The following GALNT13 variants were observed in gnomAD, a reference collection of about 807,000 sequenced individuals.
GALNT13 encodes the protein UDP-GalNAc:polypeptide N-acetylgalactosaminyltransferase 13.
In GALNT13, 28 loss-of-function variants were observed where a neutral mutation model predicts 64.2. That is an observed-to-expected ratio of 0.44 (90% CI 0.32 to 0.60). GALNT13 has a LOEUF of 0.60. GALNT13 is among the 20% of genes least tolerant of loss of function. The pLI is 0.05. For missense variants in GALNT13, 577 were observed against 669.8 expected, an observed-to-expected ratio of 0.86 and a Z score of 1.53; for synonymous variants, 214 against 224.6, an observed-to-expected ratio of 0.95 and a Z score of 0.42.
chr2:153,825,744 G>A, the GALNT13 span, among the ~76,000 whole-genome samples: 1 of 151,574 alleles, frequency 6.6e-6, no homozygotes, highest in Non-Finnish European at 1.5e-5. Context: ...CCCTTTGCAG[G>A]AACAGCCTAA....
At chr2:154,110,828 A>G (rs72871812) in intron 3 of GALNT13, among the ~76,000 whole-genome samples, 8,614 of 152,184 alleles carry the variant, frequency 0.057, 368 homozygotes, top group Middle Eastern at 0.12. Flanking sequence ...ACTCATACAC[A>G]TCTCCTGAGG....
At chr2:153,698,120 G>C in the GALNT13 span, among the ~76,000 whole-genome samples, 9 of 152,074 alleles carry the variant, frequency 5.9e-5, no homozygotes, top group Non-Finnish European at 1.3e-4. Flanking sequence ...GGAAAAACCC[G>C]TTCCAGCCAC....
At chr2:154,241,233 G>C (rs899428075) in intron 4 of GALNT13, among the ~76,000 whole-genome samples, 18 of 152,140 alleles carry the variant, frequency 1.2e-4, no homozygotes, top group Admixed American at 9.2e-4. Context: ...GGGCGGTCTT[G>C]GGAAATCCAA....
At chr2:153,229,781 C>A in the GALNT13 span, among the ~76,000 whole-genome samples, 1 of 152,324 alleles carries the variant, frequency 6.6e-6, no homozygotes, top group African/African-American at 2.4e-5. Flanking sequence ...CTTTAAACCT[C>A]TCCTCTGTTT....
the GALNT13 span, among the ~76,000 whole-genome samples, chr2:153,182,288 C>A: frequency 6.6e-6 from 1 of 152,280 alleles, no homozygotes; most frequent in South Asian, 2.1e-4. Flanking sequence ...TTGTGATCCG[C>A]CTGCCTCAGC....
At chr2:153,797,936 G>A in the GALNT13 span, among the ~76,000 whole-genome samples, 1 of 152,098 alleles carries the variant, frequency 6.6e-6, no homozygotes, top group African/African-American at 2.4e-5. Flanking sequence ...TCTGACATAA[G>A]CCCTACCATC....
chr2:154,346,374 G>C (rs1452513618), intron 9 of GALNT13, among the ~76,000 whole-genome samples: 2 of 151,968 alleles, frequency 1.3e-5, no homozygotes, highest in African/African-American at 2.4e-5. Flanking sequence ...GTTATATCCT[G>C]ATACAGTTTG....
At chr2:153,258,705 T>C in the GALNT13 span, among the ~76,000 whole-genome samples, 1 of 152,244 alleles carries the variant, frequency 6.6e-6, no homozygotes, top group Non-Finnish European at 1.5e-5. Context: ...CTTTGTAATT[T>C]CTTCATTGAC....
chr2:154,185,580 A>T (rs1686205228), intron 4 of GALNT13, among the ~76,000 whole-genome samples: 1 of 151,720 alleles, frequency 6.6e-6, no homozygotes, highest in South Asian at 2.1e-4. Flanking sequence ...ATAATTTTAA[A>T]TTATCTGTCT....
chr2:153,422,279 C>G, the GALNT13 span, among the ~76,000 whole-genome samples: 1 of 151,726 alleles, frequency 6.6e-6, no homozygotes, highest in African/African-American at 2.4e-5. Flanking sequence ...TTTACACAGG[C>G]AGAAAAAGAA....
At chr2:153,281,893 T>A in the GALNT13 span, among the ~76,000 whole-genome samples, 1 of 151,906 alleles carries the variant, frequency 6.6e-6, no homozygotes, top group Admixed American at 6.5e-5. Flanking sequence ...TCATTTCATA[T>A]AATATCACAC....
chr2:153,763,685 A>T, the GALNT13 span, among the ~76,000 whole-genome samples: 1 of 152,198 alleles, frequency 6.6e-6, no homozygotes, highest in Non-Finnish European at 1.5e-5. Context: ...AGACTAATAC[A>T]GTAAATTGGT....
At chr2:153,325,413 G>T in the GALNT13 span, among the ~76,000 whole-genome samples, 1 of 150,770 alleles carries the variant, frequency 6.6e-6, no homozygotes, top group Non-Finnish European at 1.5e-5. Flanking sequence ...TTGACTAGCA[G>T]TCTGTCTATT....
chr2:154,311,856 T>C (rs1224720305), intron 9 of GALNT13, among the ~76,000 whole-genome samples: 1 of 152,214 alleles, frequency 6.6e-6, no homozygotes, highest in Non-Finnish European at 1.5e-5. Flanking sequence ...TTTCTCCCAT[T>C]TGATTTTGAA....
intron 4 of GALNT13, among the ~76,000 whole-genome samples, chr2:154,228,746 C>T (rs906949475): frequency 4.6e-5 from 7 of 152,094 alleles, no homozygotes; most frequent in Admixed American, 2.0e-4. Flanking sequence ...AGTAAGGAAG[C>T]AAGCATGATG....
the GALNT13 span, among the ~76,000 whole-genome samples, chr2:153,787,041 C>A: frequency 6.6e-6 from 1 of 152,102 alleles, no homozygotes; most frequent in Non-Finnish European, 1.5e-5. Flanking sequence ...AAGTAAAAGA[C>A]CTTCAGCCAC....
chr2:153,176,318 A>G, the GALNT13 span, among the ~76,000 whole-genome samples: 811 of 152,286 alleles, frequency 5.3e-3, 9 homozygotes, highest in African/African-American at 0.019. Flanking sequence ...ATGTACGTAT[A>G]TACACATTGT....
chr2:154,012,837 T>C (rs116572046), intron 3 of GALNT13, among the ~76,000 whole-genome samples: 213 of 152,234 alleles, frequency 1.4e-3, no homozygotes, highest in African/African-American at 5.0e-3. Context: ...TTCCCCAGCT[T>C]GGTCTGTTCT....
chr2:153,762,843 A>G, the GALNT13 span, among the ~76,000 whole-genome samples: 1 of 151,028 alleles, frequency 6.6e-6, no homozygotes, highest in East Asian at 2.0e-4. Flanking sequence ...TATTGCCATC[A>G]TCATTTGTGA....
Sources: gnomAD v4.1 joint callset for allele counts (sites outside exome capture counted in the v4.1 genomes callset) on GRCh38, gnomAD v4.1.1 for gene constraint, MANE v1.5 for transcripts, NCBI Gene and HGNC (gene_info 2026-07-23, HGNC 2026-07-21) for gene names.